ZNF705B: variants seen among roughly 807,000 people sequenced by gnomAD.
ZNF705B encodes the protein Putative zinc finger protein 705D-like protein LOC100132396.
A neutral mutation model predicts 10.5 loss-of-function variants in ZNF705B; 1 was observed. The observed-to-expected ratio is 0.10, with a 90% CI of 0.03 to 0.45. ZNF705B has a LOEUF of 0.45. Among genes scored for constraint, ZNF705B ranks in the 20% least tolerant of loss-of-function variants. The pLI, the probability that ZNF705B is intolerant of heterozygous loss-of-function variation, is 0.97. For missense variants in ZNF705B, 14 were observed against 84.0 expected, an observed-to-expected ratio of 0.17 and a Z score of 3.26; for synonymous variants, 4 against 25.4, an observed-to-expected ratio of 0.16 and a Z score of 2.53.
chr8:7,933,109 G>T (rs1362216180), intron 2 of ZNF705B, among the ~76,000 whole-genome samples: 1 of 114,888 alleles, frequency 8.7e-6, no homozygotes, highest in Non-Finnish European at 2.1e-5. Context: ...GATTATCTTA[G>T]ATTATCCAGG....
chr8:7,933,104 T>C (rs1443556854), intron 2 of ZNF705B, among the ~76,000 whole-genome samples: 1 of 115,686 alleles, frequency 8.6e-6, no homozygotes, highest in Non-Finnish European at 2.1e-5. Context: ...AGGGAGATTA[T>C]CTTAGATTAT....
At chr8:7,926,593 TTG>T in intron 1 of ZNF705B, among the ~76,000 whole-genome samples, 196 bp downstream of exon 1, 1 of 103,358 alleles carries the variant, frequency 9.7e-6, no homozygotes, top group Non-Finnish European at 2.3e-5. Flanking sequence ...GTATGAGTGT[TTG>T]TGTCTCTCCC....
chr8:7,933,940 T>C (rs1209626646), intron 2 of ZNF705B, among the ~76,000 whole-genome samples: 1,779 of 56,560 alleles, frequency 0.031, 9 homozygotes, highest in South Asian at 0.06. Context: ...TTTTTTTTTT[T>C]TTTTTTTTTT....
intron 2 of ZNF705B, among the ~76,000 whole-genome samples, chr8:7,930,787 T>C (rs1320870499): frequency 8.7e-6 from 1 of 115,400 alleles, no homozygotes; most frequent in African/African-American, 2.6e-5. Flanking sequence ...TAACAAATAA[T>C]GCTGACCACT....
chr8:7,930,250 G>C (rs1819805764), intron 1 of ZNF705B, 37 bp from the exon 2 acceptor site: 1 of 113,660 alleles, frequency 8.8e-6, no homozygotes, highest in Non-Finnish European at 2.1e-5. Context: ...TTCTATTCCT[G>C]TGTTAGTTTC....
At chr8:7,929,452 C>T (rs1413268590) in intron 1 of ZNF705B, among the ~76,000 whole-genome samples, 3 of 120,952 alleles carry the variant, frequency 2.5e-5, no homozygotes, top group Non-Finnish European at 4.0e-5. Flanking sequence ...CTCAATATCA[C>T]TATTTTATAA....
intron 1 of ZNF705B, among the ~76,000 whole-genome samples, chr8:7,929,601 G>T (rs1444005918): frequency 8.1e-6 from 1 of 123,560 alleles, no homozygotes; most frequent in Non-Finnish European, 1.9e-5. Context: ...TGAGTCCATA[G>T]ATGGAACATT....
chr8:7,937,515 A>T (rs1400157044), intron 2 of ZNF705B, among the ~76,000 whole-genome samples: 1 of 114,944 alleles, frequency 8.7e-6, no homozygotes, highest in African/African-American at 2.6e-5. Context: ...CCAAATTTGG[A>T]ATTTTTAAAC....
intron 2 of ZNF705B, among the ~76,000 whole-genome samples, chr8:7,930,990 G>A (rs1584996423): frequency 8.0e-6 from 1 of 125,118 alleles, no homozygotes; most frequent in African/African-American, 2.5e-5. Context: ...AGAGTAGCTG[G>A]GATTACAGGC....
At position 7,934,341 on chromosome 8, in the gene ZNF705B, A is replaced by AAGGGAGAC. The variant is rs1156782596; in HGVS notation, c.-72+3921_-72+3928dup. On this transcript the variant is annotated intron_variant, in intron 2 of 6. Coordinates refer to ENST00000400120, the MANE Select transcript of ZNF705B (RefSeq NM_001193630.1). ...CCTGTGAGAAAAATGGAGAGAGGGA[A>AAGGGAGAC]AGGGAGACAGGGAGACAGGGAGAGG... 244 of 1,485,362 alleles carry AAGGGAGAC rather than the reference A, an allele frequency of 1.6e-4. 2 individuals carry two copies. In the African/African-American group the frequency reaches 3.0e-3, roughly 18 times the overall value. 92.0% of individuals were successfully genotyped at this position (1,485,362 alleles called of 1,614,324 possible).
chr8:7,934,196 T>C (rs1312206257), intron 2 of ZNF705B, among the ~76,000 whole-genome samples: 1 of 135,144 alleles, frequency 7.4e-6, no homozygotes, highest in Admixed American at 7.6e-5. Flanking sequence ...CACCTTGGCC[T>C]CCCAAAGTGC....
chr8:7,927,814 A>G (rs1411065525), intron 1 of ZNF705B, among the ~76,000 whole-genome samples: 1 of 146,990 alleles, frequency 6.8e-6, no homozygotes, highest in African/African-American at 2.4e-5. Context: ...CACAGCTTAC[A>G]TCAGAGCTTG....
chr8:7,935,705 T>C (rs1819994903), intron 2 of ZNF705B, among the ~76,000 whole-genome samples: 2 of 92,150 alleles, frequency 2.2e-5, no homozygotes, highest in African/African-American at 5.6e-5. Context: ...AACATCATAT[T>C]TATATCTGTA....
Position 7,930,853 on chromosome 8 carries a change from T to G in ZNF705B, c.-72+417T>G, listed in dbSNP as rs1351067995. On this transcript the variant is annotated intron_variant, in intron 2 of 6. Coordinates refer to ENST00000400120, the MANE Select transcript of ZNF705B (RefSeq NM_001193630.1). ...TGTTGTGTTATTTTTTTTGTTTTTT[T>G]TTTTGTTGTTGTTGTTGTTTTGAGA... Among the ~76,000 whole-genome samples, 11 of 108,784 alleles carry G rather than the reference T, an allele frequency of 1.0e-4. 1 individual carries two copies. Among genetic ancestry groups the G allele is most frequent in the East Asian group, 2.8e-4 (1 of 3,548 alleles). The allele number at this position is 108,784 out of a possible 152,430, so 71.4% of individuals were successfully genotyped here. A position where few individuals can be genotyped will look rare whatever the true frequency, so the allele number is the denominator to read the frequency against.
chr8:7,929,849 G>A lies in ZNF705B; in HGVS notation c.-221-438G>A, dbSNP rs1477622495. ...ATCTGTTTTGCCACTTTTGTATCACGCCCTTGTGTGCTTAGCCACATACAT... is the reference window on the plus strand; with the variant it reads ...ATCTGTTTTGCCACTTTTGTATCACACCCTTGTGTGCTTAGCCACATACAT... On this transcript the variant is annotated intron_variant, in intron 1 of 6. Transcript: ENST00000400120. Among the ~76,000 whole-genome samples, 7 of 54,792 alleles carry A rather than the reference G, an allele frequency of 1.3e-4. No individual in the cohort carries two copies. The East Asian group carries it at 1.9e-3, about 15-fold the overall frequency. The allele number at this position is 54,792 out of a possible 152,430, so 35.9% of individuals were successfully genotyped here.
chr8:7,927,955 C>T (rs199504838), intron 1 of ZNF705B, among the ~76,000 whole-genome samples: 1,992 of 135,684 alleles, frequency 0.015, 3 homozygotes, highest in African/African-American at 0.028. Context: ...TCCTCCCTGC[C>T]TTCCTTCCTT....
At chr8:7,926,595 G>C (rs1445758774) in intron 1 of ZNF705B, among the ~76,000 whole-genome samples, 198 bp downstream of exon 1, 1 of 102,468 alleles carries the variant, frequency 9.8e-6, no homozygotes, top group Non-Finnish European at 2.3e-5. Context: ...ATGAGTGTTT[G>C]TGTCTCTCCC....
Position 7,933,929 on chromosome 8 carries a change from C to CTTT in ZNF705B, c.-72+3520_-72+3522dup, listed in dbSNP as rs1162997944. On this transcript the variant is annotated intron_variant, in intron 2 of 6. Coordinates refer to ENST00000400120, the MANE Select transcript of ZNF705B (RefSeq NM_001193630.1). ...ATCAAGTCATAACATGTAATATAAA[C>CTTT]TTTTTTTTTTTTTTTTTTTTTTTTT... Among the ~76,000 whole-genome samples the CTTT allele has an allele frequency of 2.6e-3, 75 of 29,362 alleles. 7 individuals are homozygous for CTTT. Among genetic ancestry groups the CTTT allele is most frequent in the African/African-American group, 5.3e-3 (68 of 12,814 alleles). The allele number at this position is 29,362 out of a possible 152,430, so 19.3% of individuals were successfully genotyped here.
At chr8:7,936,511 T>C (rs1290348964) in intron 2 of ZNF705B, among the ~76,000 whole-genome samples, 1 of 119,288 alleles carries the variant, frequency 8.4e-6, no homozygotes, top group African/African-American at 2.6e-5. Flanking sequence ...GAAAATGTAG[T>C]ACATATATGT....
Sources: gnomAD v4.1 joint callset for allele counts (sites outside exome capture counted in the v4.1 genomes callset) on GRCh38, gnomAD v4.1.1 for gene constraint, MANE v1.5 for transcripts, NCBI Gene and HGNC (gene_info 2026-07-23, HGNC 2026-07-21) for gene names.